IGF1R: variants seen among roughly 807,000 people sequenced by gnomAD.
The protein encoded by IGF1R is insulin-like growth factor 1 receptor.
A neutral mutation model predicts 144.6 loss-of-function variants in IGF1R; 44 were observed. The ratio of observed to expected loss-of-function variants is 0.30; its 90% CI spans 0.24 to 0.39. The LOEUF (loss-of-function observed/expected upper bound fraction) is 0.39, where lower values mean the gene tolerates loss of function less well. IGF1R is among the 10% of genes least tolerant of loss of function. IGF1R has a pLI of 1.00. For missense variants in IGF1R, 1,355 were observed against 1,833.7 expected (o/e 0.74, Z 4.77); for synonymous variants, 795 against 722.8 (o/e 1.10, Z -1.60).
At position 98,840,384 on chromosome 15, in the gene IGF1R, G is replaced by A. The variant is rs72752833; in HGVS notation, c.641-50941G>A. Among the ~76,000 whole-genome samples, 1,497 of 152,288 alleles carry A rather than the reference G, an allele frequency of 9.8e-3. 13 individuals are homozygous for A. Among genetic ancestry groups the A allele is most frequent in the Non-Finnish European group, 0.018 (1,223 of 68,014 alleles). On this transcript the variant is annotated intron_variant, in intron 2 of 20. Coordinates refer to ENST00000650285, the MANE Select transcript of IGF1R (RefSeq NM_000875.5). ...GTTATCATCTAAACCAATGGGGAAC[G>A]GTGAGTAAGTAGTAATCTTCAGAAA...
intron 1 of IGF1R, among the ~76,000 whole-genome samples, chr15:98,672,056 C>T (rs2052906741): frequency 6.6e-6 from 1 of 152,190 alleles, no homozygotes; most frequent in Non-Finnish European, 1.5e-5. Flanking sequence ...GTTGCTTAGC[C>T]AGGGTGCACA....
At chr15:98,786,087 C>G (rs931827374) in intron 2 of IGF1R, among the ~76,000 whole-genome samples, 2 of 152,198 alleles carry the variant, frequency 1.3e-5, no homozygotes, top group Non-Finnish European at 2.9e-5. Flanking sequence ...CACGTGCACT[C>G]CTAGGCTTCA....
intron 2 of IGF1R, among the ~76,000 whole-genome samples, chr15:98,800,580 G>A (rs2056339833): frequency 6.6e-6 from 1 of 152,184 alleles, no homozygotes; most frequent in African/African-American, 2.4e-5. Flanking sequence ...AACACGCTGG[G>A]TGTTAGCGTT....
Position 98,767,622 on chromosome 15 carries a change from G to A in IGF1R, c.640+59515G>A, listed in dbSNP as rs111996431. Among the ~76,000 whole-genome samples the A allele has an allele frequency of 2.5e-3, 377 of 152,300 alleles. 1 individual carries two copies. Among genetic ancestry groups the A allele is most frequent in the African/African-American group, 8.2e-3 (341 of 41,558 alleles). ...GCAGTTTGCAAGTGCAGCGAATCTT[G>A]TAGGTAGATTTACCTTGAGTTTTTT... is the stretch of plus-strand genomic sequence containing the variant. On this transcript the variant is annotated intron_variant, in intron 2 of 20. Coordinates refer to ENST00000650285, the MANE Select transcript of IGF1R (RefSeq NM_000875.5).
intron 1 of IGF1R, among the ~76,000 whole-genome samples, chr15:98,668,001 G>A (rs571661850): frequency 4.6e-5 from 7 of 152,088 alleles, no homozygotes; most frequent in Non-Finnish European, 1.0e-4. Flanking sequence ...TATAGACTGA[G>A]GGCTAAAACC....
chr15:98,898,442 C>A (rs932158656), intron 4 of IGF1R, among the ~76,000 whole-genome samples: 1 of 152,272 alleles, frequency 6.6e-6, no homozygotes, highest in African/African-American at 2.4e-5. Context: ...GGGGAAATTT[C>A]CTGATCTTGA....
In IGF1R at chr15:98,748,384, A is replaced by G. The variant is rs191745216; in HGVS notation, c.640+40277A>G. Among the ~76,000 whole-genome samples the G allele has an allele frequency of 6.6e-3, 1,003 of 152,268 alleles. 6 individuals carry two copies. The highest frequency in any genetic ancestry group is 9.7e-3 in the Non-Finnish European group (663 of 68,030). ...AGATGGAGGTCTTGCTGTGTTGCCC[A>G]GGCTGGTCTCAAACTCCTGGCCTCA... On this transcript the variant is annotated intron_variant, in intron 2 of 20. Coordinates refer to ENST00000650285, the MANE Select transcript of IGF1R (RefSeq NM_000875.5).
chr15:98,850,027 G>C (rs1416904442), intron 2 of IGF1R, among the ~76,000 whole-genome samples: 13 of 152,212 alleles, frequency 8.5e-5, no homozygotes, highest in Admixed American at 7.9e-4. Flanking sequence ...ACCAATCTTA[G>C]AGGGGGCATT....
Position 98,960,321 on chromosome 15 carries a change from T to C in IGF1R, c.*2879T>C, listed in dbSNP as rs1267594648. On this transcript the variant is annotated 3_prime_UTR_variant, in exon 21 of 21. Coordinates refer to ENST00000650285, the MANE Select transcript of IGF1R (RefSeq NM_000875.5). ...TTTTGTTTTGTTTTCTATCTTGGTTTCCACCAAGGTGTTAGATTTCTCCTC... is the reference window on the plus strand; with the variant it reads ...TTTTGTTTTGTTTTCTATCTTGGTTCCCACCAAGGTGTTAGATTTCTCCTC... The C allele has an allele frequency of 8.6e-6, 2 of 233,192 alleles. No individual in the cohort carries two copies. Among genetic ancestry groups the C allele is most frequent in the African/African-American group, 2.2e-5 (1 of 45,360 alleles). The allele number at this position is 233,192 out of a possible 1,614,324, so 14.4% of individuals were successfully genotyped here.
At chr15:98,847,339 C>T (rs1038325573) in intron 2 of IGF1R, among the ~76,000 whole-genome samples, 6 of 152,126 alleles carry the variant, frequency 3.9e-5, no homozygotes, top group Non-Finnish European at 7.4e-5. Flanking sequence ...CCGTAGATGC[C>T]GTGTCAGTCC....
chr15:98,706,539 T>C (rs900359250), intron 1 of IGF1R, among the ~76,000 whole-genome samples: 16 of 151,872 alleles, frequency 1.1e-4, no homozygotes, highest in Non-Finnish European at 2.4e-4. Context: ...GTGTTGTTTA[T>C]AATGTGCAAA....
chr15:98,900,192 G>T (rs551976802), intron 5 of IGF1R, among the ~76,000 whole-genome samples: 1 of 152,304 alleles, frequency 6.6e-6, no homozygotes, highest in Admixed American at 6.5e-5. Context: ...TTTGTGATAG[G>T]GGTTTTAAAA....
intron 9 of IGF1R, 139 bp downstream of exon 9, chr15:98,916,270 T>G (rs2015243587): frequency 1.1e-6 from 1 of 882,720 alleles, no homozygotes; most frequent in South Asian, 1.6e-5. Flanking sequence ...GGTTTTTTTT[T>G]TTTTTTTTTG....
chr15:98,667,660 T>G (rs529774911), intron 1 of IGF1R, among the ~76,000 whole-genome samples: 1 of 152,176 alleles, frequency 6.6e-6, no homozygotes, highest in Non-Finnish European at 1.5e-5. Flanking sequence ...CAAAGAAGAC[T>G]TCGAGGTGGC....
At chr15:98,894,008 G>C (rs2014055998) in intron 3 of IGF1R, among the ~76,000 whole-genome samples, 4 of 152,098 alleles carry the variant, frequency 2.6e-5, no homozygotes, top group Admixed American at 2.6e-4. Context: ...CACTTCCTTA[G>C]AAAAACATTT....
At chr15:98,863,873 C>T (rs946593763) in intron 2 of IGF1R, among the ~76,000 whole-genome samples, 1 of 152,204 alleles carries the variant, frequency 6.6e-6, no homozygotes, top group African/African-American at 2.4e-5. Flanking sequence ...TTTACATCAA[C>T]ACCATGAATT....
At chr15:98,784,062 G>C (rs6598547) in intron 2 of IGF1R, among the ~76,000 whole-genome samples, 148,387 of 148,392 alleles carry the variant, frequency 1, 74,191 homozygotes, top group Middle Eastern at 1. Context: ...GCAGCCTCTG[G>C]CTTCCGGGTT....
intron 13 of IGF1R, 66 bp from the exon 14 acceptor site, chr15:98,929,492 T>C: frequency 8.2e-7 from 1 of 1,226,468 alleles, no homozygotes; most frequent in South Asian, 1.2e-5. Context: ...CAACTGAATG[T>C]GAAGAAATGA....
At chr15:98,922,941 G>A (rs2015553106) in intron 11 of IGF1R, among the ~76,000 whole-genome samples, 2 of 152,176 alleles carry the variant, frequency 1.3e-5, no homozygotes, top group South Asian at 2.1e-4. Context: ...CATCTTTGAA[G>A]GTGGGTGCCT....
Sources: allele counts gnomAD v4.1 joint callset (sites outside exome capture counted in the v4.1 genomes callset), GRCh38; gene constraint gnomAD v4.1.1; transcripts MANE v1.5; gene names NCBI Gene and HGNC (gene_info 2026-07-23, HGNC 2026-07-21).